Variants in CPSF2 observed in about 807,000 individuals in gnomAD.
The protein encoded by CPSF2 is cleavage and polyadenylation specific factor 2.
A neutral mutation model predicts 84.2 loss-of-function variants in CPSF2; 51 were observed. The ratio of observed to expected loss-of-function variants is 0.61; its 90% CI spans 0.48 to 0.77. CPSF2 has a LOEUF of 0.77. Ranked by LOEUF, CPSF2 falls within the 30% of genes least tolerant of loss-of-function variation. The pLI, the probability that CPSF2 is intolerant of heterozygous loss-of-function variation, is 0.00. For synonymous variants in CPSF2, 286 were observed against 311.9 expected (o/e 0.92, Z 0.87); for missense variants, 641 against 929.4 (o/e 0.69, Z 4.03).
At chr14:92,147,084 C>T (rs546410580) in intron 9 of CPSF2, among the ~76,000 whole-genome samples, 4 of 152,252 alleles carry the variant, frequency 2.6e-5, no homozygotes, top group Admixed American at 1.3e-4. Context: ...TCTTCCTCTT[C>T]CCACCATCAA....
At chr14:92,158,838 T>G (rs2069327459) in intron 13 of CPSF2, 145 bp from the exon 14 acceptor site, 1 of 681,038 alleles carries the variant, frequency 1.5e-6, no homozygotes, top group African/African-American at 1.8e-5. Flanking sequence ...ATGAGGTCAT[T>G]GCAGGTCATT....
chr14:92,161,026 A>G, intron 14 of CPSF2, 86 bp from the exon 15 acceptor site: 1 of 1,241,888 alleles, frequency 8.1e-7, no homozygotes, highest in Non-Finnish European at 1.1e-6. Flanking sequence ...TCTCTTAGAG[A>G]TAATGTAGTA....
chr14:92,131,178 T>C (rs779584361), intron 3 of CPSF2, 45 bp downstream of exon 3: 2 of 1,486,860 alleles, frequency 1.3e-6, no homozygotes, highest in East Asian at 4.6e-5. Context: ...AATCAACTTC[T>C]CTTTTCTGTA....
chr14:92,161,369 T>A (rs2141485287), intron 15 of CPSF2, 123 bp downstream of exon 15: 1 of 1,140,076 alleles, frequency 8.8e-7, no homozygotes, highest in Non-Finnish European at 1.2e-6. Context: ...ATATTCATGA[T>A]CATGACCTCA....
At chr14:92,123,608 AG>A (rs2068807988) in intron 1 of CPSF2, among the ~76,000 whole-genome samples, 1 of 152,156 alleles carries the variant, frequency 6.6e-6, no homozygotes, top group East Asian at 1.9e-4. Flanking sequence ...CATATTGCCC[AG>A]GCTGGTCTGG....
Position 92,170,778 on chromosome 14 carries a change from GTCT to G in CPSF2, c.*9041_*9043del, listed in dbSNP as rs1234724271. On this transcript the variant is annotated 3_prime_UTR_variant, in exon 16 of 16. Coordinates refer to ENST00000298875, the MANE Select transcript of CPSF2 (RefSeq NM_017437.3). ...GCAGGAATACCAGAGAGGTGATGCT[GTCT>G]TCTTCTCTGCATTGTATCAGGAGGC... 9.9e-5 allele frequency: 15 copies of G among 152,158 alleles called. No homozygotes were observed. Among genetic ancestry groups the G allele is most frequent in the African/African-American group, 3.6e-4 (15 of 41,448 alleles). The allele number at this position is 152,158 out of a possible 1,614,324, so 9.4% of individuals were successfully genotyped here.
chr14:92,171,043 C>T lies in CPSF2; in HGVS notation c.*9299C>T, dbSNP rs1201582071. 1.3e-5 allele frequency: 2 copies of T among 152,128 alleles called. No homozygotes were observed. The highest frequency in any genetic ancestry group is 4.1e-4 in the South Asian group (2 of 4,826). 9.4% of individuals were successfully genotyped at this position (152,128 alleles called of 1,614,324 possible). ...TAGCTATTTTGAGACTCTCAATATCCTATTTCTCAAAATTTTACCCTTTAC... is the reference window on the plus strand; with the variant it reads ...TAGCTATTTTGAGACTCTCAATATCTTATTTCTCAAAATTTTACCCTTTAC... On this transcript the variant is annotated 3_prime_UTR_variant, in exon 16 of 16. Transcript: ENST00000298875.
intron 9 of CPSF2, among the ~76,000 whole-genome samples, chr14:92,143,870 C>G (rs1361557544): frequency 6.6e-6 from 1 of 152,164 alleles, no homozygotes; most frequent in African/African-American, 2.4e-5. Context: ...GTGGTACCCT[C>G]TAGTTTACCC....
chr14:92,143,797 G>A (rs1375133092), intron 9 of CPSF2, among the ~76,000 whole-genome samples: 3 of 151,758 alleles, frequency 2.0e-5, no homozygotes, highest in South Asian at 4.2e-4. Context: ...TTTTTGGAAA[G>A]ACGTTGTCTC....
chr14:92,129,632 A>G (rs1294129778), intron 2 of CPSF2, among the ~76,000 whole-genome samples: 1 of 152,168 alleles, frequency 6.6e-6, no homozygotes. Context: ...GTGGAGTTGA[A>G]CTTTGCTAAT....
Position 92,170,487 on chromosome 14 carries a change from C to T in CPSF2, c.*8743C>T, listed in dbSNP as rs544647553. 2.6e-5 allele frequency: 4 copies of T among 152,318 alleles called. No individual in the cohort carries two copies. Among genetic ancestry groups the T allele is most frequent in the South Asian group, 4.1e-4 (2 of 4,834 alleles). 9.4% of individuals were successfully genotyped at this position (152,318 alleles called of 1,614,324 possible). A position where few individuals can be genotyped will look rare whatever the true frequency, so the allele number is the denominator to read the frequency against. Reference sequence around the variant, plus strand: ...TGATAAAATTCTACCATTTGATCCACGAACCCCATTCAAATGTTGCCATTT... The same window carrying T: ...TGATAAAATTCTACCATTTGATCCATGAACCCCATTCAAATGTTGCCATTT... On this transcript the variant is annotated 3_prime_UTR_variant, in exon 16 of 16. Transcript: ENST00000298875.
intron 9 of CPSF2, 51 bp from the exon 10 acceptor site, chr14:92,154,307 C>A (rs1004520801): frequency 6.1e-6 from 8 of 1,313,756 alleles, no homozygotes; most frequent in Non-Finnish European, 8.5e-6. Flanking sequence ...CTGCTTTAAC[C>A]CCCTAATATT....
chr14:92,151,001 C>T (rs1027573771), intron 9 of CPSF2, among the ~76,000 whole-genome samples: 2 of 152,194 alleles, frequency 1.3e-5, no homozygotes, highest in Admixed American at 6.5e-5. Context: ...ATATTGTCAA[C>T]ATTTGTAAGA....
In CPSF2 at chr14:92,139,565, G is replaced by A. The variant is rs577517049; in HGVS notation, c.661+1218G>A. 3.6e-5 allele frequency among the ~76,000 whole-genome samples: 5 copies of A among 137,504 alleles called. No homozygotes were observed. In the South Asian group the frequency reaches 9.2e-4, roughly 25 times the overall value. The allele number at this position is 137,504 out of a possible 152,430, so 90.2% of individuals were successfully genotyped here. ...TTTTTTTTTTTTTTTTTGAGATGGTGTCTTGCTCTGTTGCCCAGGCTGGAG... is the reference window on the plus strand; with the variant it reads ...TTTTTTTTTTTTTTTTTGAGATGGTATCTTGCTCTGTTGCCCAGGCTGGAG... On this transcript the variant is annotated intron_variant, in intron 7 of 15. Coordinates refer to ENST00000298875, the MANE Select transcript of CPSF2 (RefSeq NM_017437.3).
In CPSF2 at chr14:92,154,388, G is replaced by A; in HGVS notation, c.1171G>A (p.Glu391Lys). The A allele has an allele frequency of 6.2e-7, 1 of 1,608,554 alleles. No homozygotes were observed. The highest frequency in any genetic ancestry group is 8.5e-7 in the Non-Finnish European group (1 of 1,178,558). Residue 391 changes from glutamate (E) to lysine (K), a missense_variant, in exon 10 of 16, where the codon GAA (glutamate) becomes AAA (lysine). Physicochemically the swap from Glu to Lys is moderately conservative, Grantham distance 56. This residue lies in a region of CPSF2 where 430 missense variants were observed against 553.6 expected (regional missense o/e 0.78). Transcript: ENST00000298875. ...LRKRVKLEGK[E>K]LEEYLEKEKL... ...GAAACGTGTGAAGCTTGAAGGGAAA[G>A]AACTTGAAGAATACTTGGAAAAAGA... is the stretch of plus-strand genomic sequence containing the variant.
intron 9 of CPSF2, among the ~76,000 whole-genome samples, chr14:92,152,731 G>T (rs2069237891): frequency 6.6e-6 from 1 of 152,164 alleles, no homozygotes; most frequent in South Asian, 2.1e-4. Flanking sequence ...AAGCCACCAT[G>T]CCCTGCTGGT....
chr14:92,169,695 T>C lies in CPSF2; in HGVS notation c.*7951T>C, dbSNP rs1357415917. The C allele has an allele frequency of 6.7e-6, 1 of 149,388 alleles. No homozygotes were observed. Among genetic ancestry groups the C allele is most frequent in the Non-Finnish European group, 1.5e-5 (1 of 67,608 alleles). 9.3% of individuals were successfully genotyped at this position (149,388 alleles called of 1,614,324 possible). A position where few individuals can be genotyped will look rare whatever the true frequency, so the allele number is the denominator to read the frequency against. ...TTGAGACAAACTTGCAGGGAGAGAA[T>C]TATGTGGCATGAGGAGGATTGAGAA... On this transcript the variant is annotated 3_prime_UTR_variant, in exon 16 of 16. Transcript: ENST00000298875.
At chr14:92,128,377 G>T (rs1460615913) in intron 2 of CPSF2, among the ~76,000 whole-genome samples, 1 of 152,200 alleles carries the variant, frequency 6.6e-6, no homozygotes, top group Non-Finnish European at 1.5e-5. Flanking sequence ...CAGCTACTCA[G>T]GTGGCTGAGG....
intron 1 of CPSF2, among the ~76,000 whole-genome samples, chr14:92,124,950 A>C (rs1284365506): frequency 6.6e-6 from 1 of 152,066 alleles, no homozygotes; most frequent in Non-Finnish European, 1.5e-5. Context: ...AGATGTGGGA[A>C]TTTGTAAGGA....
Sources: allele counts gnomAD v4.1 joint callset (sites outside exome capture counted in the v4.1 genomes callset), GRCh38; gene constraint gnomAD v4.1.1; regional missense constraint gnomAD v4.1.1; transcripts MANE v1.5; gene names NCBI Gene and HGNC (gene_info 2026-07-23, HGNC 2026-07-21).